The following BMP2 variants were observed in gnomAD, a reference collection of about 807,000 sequenced individuals.
BMP2 encodes bone morphogenetic protein 2.
A neutral mutation model predicts 28.8 loss-of-function variants in BMP2; 2 were observed. The ratio of observed to expected loss-of-function variants is 0.07; its 90% CI spans 0.03 to 0.22. BMP2 has a LOEUF of 0.22. Among genes scored for constraint, BMP2 ranks in the 10% least tolerant of loss-of-function variants. The probability of loss-of-function intolerance (pLI) is 1.00; values close to 1 mark genes in which losing one functional copy is unlikely to be tolerated. For missense variants in BMP2, 437 were observed against 517.7 expected (o/e 0.84, Z 1.51); for synonymous variants, 218 against 204.3 (o/e 1.07, Z -0.57).
Position 6,774,779 on chromosome 20 carries a change from A to G in BMP2, c.347-3466A>G, listed in dbSNP as rs141645951. On this transcript the variant is annotated intron_variant, in intron 2 of 2. Transcript: ENST00000378827. ...AAAAAAGCATTCAGCTGTCATTATC[A>G]TTATGACTTCTTTTGTTAATGTTAT... Among the ~76,000 whole-genome samples the G allele has an allele frequency of 2.7e-3, 407 of 152,334 alleles. 4 individuals carry two copies. Among genetic ancestry groups the G allele is most frequent in the Middle Eastern group, 0.014 (4 of 294 alleles).
rs768217398 is a variant in BMP2, at chr20:6,770,294, G to C, written c.168G>C (p.Arg56=). The part of the protein sequence containing the change: ...SDEVLSEFEL[R]LLSMFGLKQR... ...AGGTCCTGAGCGAGTTCGAGTTGCG[G>C]CTGCTCAGCATGTTCGGCCTGAAAC... The change falls in exon 2 of 3, where the codon CGG becomes CGC. Residue 56 remains arginine, a synonymous_variant. Coordinates refer to ENST00000378827, the MANE Select transcript of BMP2 (RefSeq NM_001200.4). 6 of 1,613,220 alleles carry C rather than the reference G, an allele frequency of 3.7e-6. No individual in the cohort carries two copies. The highest frequency in any genetic ancestry group is 5.1e-6 in the Non-Finnish European group (6 of 1,179,902).
chr20:6,776,706 T>G (rs1986507182), intron 2 of BMP2, among the ~76,000 whole-genome samples: 1 of 152,228 alleles, frequency 6.6e-6, no homozygotes, highest in Non-Finnish European at 1.5e-5. Flanking sequence ...AAGCACTGCA[T>G]TAAAGCGTTA....
At chr20:6,775,929 AT>A (rs1191893350) in intron 2 of BMP2, among the ~76,000 whole-genome samples, 4 of 152,014 alleles carry the variant, frequency 2.6e-5, no homozygotes, top group Non-Finnish European at 5.9e-5. Context: ...GCTCTAGATA[AT>A]TTTCCTTGCC....
intron 2 of BMP2, among the ~76,000 whole-genome samples, chr20:6,776,978 G>T (rs1986513674): frequency 1.3e-5 from 2 of 152,132 alleles, no homozygotes; most frequent in South Asian, 4.1e-4. Flanking sequence ...TTAGCACTTG[G>T]GTAGGAATTC....
intron 1 of BMP2, 34 bp downstream of exon 1, chr20:6,768,909 G>A (rs1211058695): frequency 2.5e-6 from 1 of 395,698 alleles, no homozygotes; most frequent in East Asian, 3.6e-5. Context: ...GGGGTGGGTG[G>A]TGGGTGGGAG....
In BMP2 at chr20:6,778,027, G is replaced by A. The variant is rs1294607414; in HGVS notation, c.347-218G>A. On this transcript the variant is annotated intron_variant, in intron 2 of 2. Transcript: ENST00000378827. This position sits in a 1 kb window ranked among gnomAD's most constrained non-coding sequence, Gnocchi z 5.0. Reference sequence around the variant, plus strand: ...ATTATGAAAGGTTGTTTCCTGGTATGCAATGCATGATGACATGAACTTACA... The same window carrying A: ...ATTATGAAAGGTTGTTTCCTGGTATACAATGCATGATGACATGAACTTACA... Among the ~76,000 whole-genome samples the A allele has an allele frequency of 6.6e-6, 1 of 152,056 alleles. No individual in the cohort carries two copies. Among genetic ancestry groups the A allele is most frequent in the Non-Finnish European group, 1.5e-5 (1 of 67,992 alleles).
chr20:6,767,804 T>C lies in BMP2; in HGVS notation c.-1079T>C, dbSNP rs1986279410. Reference sequence around the variant, plus strand: ...GGGGACTGGCAGCCGCCGCCGCACATCTGCCGCCACAGCCTCCGCCGGCTA... The same window carrying C: ...GGGGACTGGCAGCCGCCGCCGCACACCTGCCGCCACAGCCTCCGCCGGCTA... On this transcript the variant is annotated 5_prime_UTR_variant, in exon 1 of 3. Coordinates refer to ENST00000378827, the MANE Select transcript of BMP2 (RefSeq NM_001200.4). The C allele has an allele frequency of 9.6e-6, 3 of 311,746 alleles. No individual in the cohort carries two copies. The highest frequency in any genetic ancestry group is 1.7e-5 in the Non-Finnish European group (3 of 171,552). The allele number at this position is 311,746 out of a possible 1,614,324, so 19.3% of individuals were successfully genotyped here. A position where few individuals can be genotyped will look rare whatever the true frequency, so the allele number is the denominator to read the frequency against.
In BMP2 at chr20:6,767,743, G is replaced by GCGCTGCGCTAGTCGCTC. The variant is rs1986276066; in HGVS notation, c.-1135_-1119dup. 5 of 186,968 alleles carry GCGCTGCGCTAGTCGCTC rather than the reference G, an allele frequency of 2.7e-5. No homozygotes were observed. In the South Asian group the frequency reaches 8.3e-4, roughly 31 times the overall value. 11.6% of individuals were successfully genotyped at this position (186,968 alleles called of 1,614,324 possible). A position where few individuals can be genotyped will look rare whatever the true frequency, so the allele number is the denominator to read the frequency against. On this transcript the variant is annotated 5_prime_UTR_variant, in exon 1 of 3. Transcript: ENST00000378827. ...CGCCCCGCCGCGCTGCGCCCGGCTCGCGCTGCGCTAGTCGCTCCGCTTCCC... is the reference window on the plus strand; with the variant it reads ...CGCCCCGCCGCGCTGCGCCCGGCTCGCGCTGCGCTAGTCGCTCCGCTGCGCTAGTCGCTCCGCTTCCC...
Position 6,767,826 on chromosome 20 carries a change from G to T in BMP2, c.-1057G>T, listed in dbSNP as rs1177549093. On this transcript the variant is annotated 5_prime_UTR_variant, in exon 1 of 3. Transcript: ENST00000378827. ...ACATCTGCCGCCACAGCCTCCGCCG[G>T]CTACCCGAACGTTCTCGGGGCCAGC... is the stretch of plus-strand genomic sequence containing the variant. 1 of 337,816 alleles carries T rather than the reference G, an allele frequency of 3.0e-6. No homozygotes were observed. The highest frequency in any genetic ancestry group is 5.3e-6 in the Non-Finnish European group (1 of 187,590). The allele number at this position is 337,816 out of a possible 1,614,324, so 20.9% of individuals were successfully genotyped here.
rs766616005 is a variant in BMP2 at position 6,770,232 on chromosome 20, G to GCGT, written c.112_114dup (p.Ser38dup). 6.2e-7 allele frequency: 1 copy of GCGT among 1,603,220 alleles called. No homozygotes were observed. The highest frequency in any genetic ancestry group is 1.3e-5 in the African/African-American group (1 of 74,614). On this transcript the variant is annotated inframe_insertion, in exon 2 of 3. Transcript: ENST00000378827. Reference sequence around the variant, plus strand: ...GCTGGGCCGCAGGAAGTTCGCGGCGGCGTCGTCGGGCCGCCCCTCATCCCA... The same window carrying GCGT: ...GCTGGGCCGCAGGAAGTTCGCGGCGGCGTCGTCGTCGGGCCGCCCCTCATCCCA...
At position 6,778,775 on chromosome 20, in the gene BMP2, A is replaced by C. The variant is rs1260895456; in HGVS notation, c.877A>C (p.Lys293Gln). Residue 293 changes from lysine to glutamine, a missense_variant, in exon 3 of 3, where the codon AAG (lysine) becomes CAG (glutamine). Transcript: ENST00000378827. The surrounding 1 kb of genome is among the most constrained non-coding windows in gnomAD (Gnocchi z 5.0). The part of the protein sequence containing the change: ...QAKHKQRKRL[K>Q]SSCKRHPLYV... ...CAAACACAAACAGCGGAAACGCCTT[A>C]AGTCCAGCTGTAAGAGACACCCTTT... is the stretch of plus-strand genomic sequence containing the variant. 6.2e-7 allele frequency: 1 copy of C among 1,614,214 alleles called. No individual in the cohort carries two copies. Among genetic ancestry groups the C allele is most frequent in the South Asian group, 1.1e-5 (1 of 91,084 alleles).
At chr20:6,775,108 A>T (rs973837006) in intron 2 of BMP2, among the ~76,000 whole-genome samples, 1 of 152,184 alleles carries the variant, frequency 6.6e-6, no homozygotes. Flanking sequence ...TCAGGAAGGG[A>T]TATTTACAGA....
At position 6,778,958 on chromosome 20, in the gene BMP2, T is replaced by G; in HGVS notation, c.1060T>G (p.Ser354Ala). 6.2e-7 allele frequency: 1 copy of G among 1,613,998 alleles called. No homozygotes were observed. The change falls in exon 3 of 3, where the codon TCT becomes GCT. Residue 354 changes from serine (S) to alanine (A), a missense_variant. Physicochemically the swap from Ser to Ala is moderately conservative, Grantham distance 99. Transcript: ENST00000378827. The surrounding 1 kb of genome is among the most constrained non-coding windows in gnomAD (Gnocchi z 5.0). ...TCAGACGTTGGTCAACTCTGTTAAC[T>G]CTAAGATTCCTAAGGCATGCTGTGT... Reference protein sequence around the residue: ...IVQTLVNSVNSKIPKACCVPT... With the variant: ...IVQTLVNSVNAKIPKACCVPT...
rs1299433505 is a variant in BMP2, at chr20:6,773,908, G to A, written c.346+3436G>A. Among the ~76,000 whole-genome samples the A allele has an allele frequency of 2.0e-5, 3 of 152,142 alleles. No homozygotes were observed. The East Asian group carries it at 5.8e-4, about 29-fold the overall frequency. On this transcript the variant is annotated intron_variant, in intron 2 of 2. Transcript: ENST00000378827. ...TTTACTGGAGATTTTTTAGCCCAAA[G>A]TGTGTTTTAAAATCCTCGAAGCATA...
chr20:6,768,982 C>A (rs1394762163), intron 1 of BMP2, 107 bp downstream of exon 1: 1 of 397,128 alleles, frequency 2.5e-6, no homozygotes, highest in African/African-American at 2.1e-5. Flanking sequence ...GTAAACAGAC[C>A]CCTCTCCAGT....
chr20:6,768,362 C>T lies in BMP2; in HGVS notation c.-521C>T, dbSNP rs1286541724. 3 of 396,924 alleles carry T rather than the reference C, an allele frequency of 7.6e-6. No individual in the cohort carries two copies. Among genetic ancestry groups the T allele is most frequent in the African/African-American group, 2.1e-5 (1 of 48,524 alleles). The allele number at this position is 396,924 out of a possible 1,614,324, so 24.6% of individuals were successfully genotyped here. ...CGTCGCCCAGGATGGCTGCCCCGAGCCATGGGCCGCGGCGGAGCTAGCGCG... is the reference window on the plus strand; with the variant it reads ...CGTCGCCCAGGATGGCTGCCCCGAGTCATGGGCCGCGGCGGAGCTAGCGCG... On this transcript the variant is annotated 5_prime_UTR_variant, in exon 1 of 3. Coordinates refer to ENST00000378827, the MANE Select transcript of BMP2 (RefSeq NM_001200.4).
In BMP2 at chr20:6,778,190, C is replaced by T; in HGVS notation, c.347-55C>T. The T allele has an allele frequency of 3.3e-6, 5 of 1,528,260 alleles. No individual in the cohort carries two copies. The highest frequency in any genetic ancestry group is 4.4e-6 in the Non-Finnish European group (5 of 1,144,070). 94.7% of individuals were successfully genotyped at this position (1,528,260 alleles called of 1,614,324 possible). On this transcript the variant is annotated intron_variant, in intron 2 of 2. Transcript: ENST00000378827. This position sits in a 1 kb window ranked among gnomAD's most constrained non-coding sequence, Gnocchi z 5.0. The stretch of plus-strand genomic sequence containing the variant: ...TAGATAATCAAACGTCATTACTTGG[C>T]TTACTGAAATTCAGACTTTTCTTTT...
chr20:6,767,788 C>G lies in BMP2; in HGVS notation c.-1095C>G, dbSNP rs1481508914. On this transcript the variant is annotated 5_prime_UTR_variant, in exon 1 of 3. Coordinates refer to ENST00000378827, the MANE Select transcript of BMP2 (RefSeq NM_001200.4). ...CTTCCCACACCCCGCCGGGGACTGG[C>G]AGCCGCCGCCGCACATCTGCCGCCA... The G allele has an allele frequency of 1.0e-5, 3 of 287,522 alleles. No homozygotes were observed. The East Asian group carries it at 1.8e-4, about 17-fold the overall frequency. 17.8% of individuals were successfully genotyped at this position (287,522 alleles called of 1,614,324 possible).
Position 6,768,667 on chromosome 20 carries a change from C to CG in BMP2, c.-216_-215insG. 5.0e-6 allele frequency: 2 copies of CG among 396,680 alleles called. No individual in the cohort carries two copies. Among genetic ancestry groups the CG allele is most frequent in the Non-Finnish European group, 8.9e-6 (2 of 225,168 alleles). 24.6% of individuals were successfully genotyped at this position (396,680 alleles called of 1,614,324 possible). ...CCATCTCCGAGCCCCACCGCCCCTC[C>CG]ACTCCTCGGCCTTGCCCGACACTGA... On this transcript the variant is annotated 5_prime_UTR_variant, in exon 1 of 3. Transcript: ENST00000378827.
Sources: allele counts gnomAD v4.1 joint callset (sites outside exome capture counted in the v4.1 genomes callset), GRCh38; gene constraint gnomAD v4.1.1; non-coding constraint Gnocchi (gnomAD v3.1); transcripts MANE v1.5; gene names NCBI Gene and HGNC (gene_info 2026-07-23, HGNC 2026-07-21).